CRYM: variants seen among roughly 807,000 people sequenced by gnomAD.
The protein encoded by CRYM is ketimine reductase mu-crystallin.
In CRYM, 18 loss-of-function variants were observed where a neutral mutation model predicts 32.9. The ratio of observed to expected loss-of-function variants is 0.55; its 90% CI spans 0.38 to 0.81. The LOEUF is 0.81. Among genes scored for constraint, CRYM ranks in the 30% least tolerant of loss-of-function variants. The pLI is 0.00. For synonymous variants in CRYM, 153 were observed against 152.4 expected, an observed-to-expected ratio of 1.00 and a Z score of -0.03; for missense variants, 337 against 393.5, an observed-to-expected ratio of 0.86 and a Z score of 1.21.
chr16:21,293,028 A>ATAGAT (rs1555465436), intron 1 of CRYM, among the ~76,000 whole-genome samples: 3 of 150,480 alleles, frequency 2.0e-5, no homozygotes, highest in East Asian at 2.0e-4. Flanking sequence ...AAGTAGATAG[A>ATAGAT]AGATAGATAG....
upstream of CRYM, chr16:21,278,398 C>T: frequency 1.0e-6 from 1 of 960,832 alleles, no homozygotes; most frequent in East Asian, 2.6e-5. Flanking sequence ...CGCCCCGCCC[C>T]GCCAGCCCTC....
chr16:21,300,544 A>G (rs950980368), intron 1 of CRYM: 1 of 151,866 alleles, frequency 6.6e-6, no homozygotes, highest in Non-Finnish European at 1.5e-5. Context: ...AAAGAAAAAA[A>G]AAAGAAATGC....
At chr16:21,258,912 A>G (rs2152860863) in intron 7 of CRYM, 67 bp from the exon 8 acceptor site, 2 of 1,373,480 alleles carry the variant, frequency 1.5e-6, no homozygotes, top group Non-Finnish European at 2.1e-6. Flanking sequence ...CCCAGGCCCC[A>G]TGGCTGGAAG....
intron 1 of CRYM, among the ~76,000 whole-genome samples, chr16:21,298,830 C>T (rs1297056392): frequency 6.6e-6 from 1 of 152,140 alleles, no homozygotes; most frequent in East Asian, 1.9e-4. Context: ...ATCATGAAGG[C>T]AATACATGCT....
At position 21,267,729 on chromosome 16, in the gene CRYM, T is replaced by C; in HGVS notation, c.498A>G (p.Ile166Met). 6.2e-7 allele frequency: 1 copy of C among 1,614,232 alleles called. No individual in the cohort carries two copies. Among genetic ancestry groups the C allele is most frequent in the South Asian group, 1.1e-5 (1 of 91,090 alleles). ...TEQFSFKEVR[I>M]WNRTKENAEK... ...CTGCATTTTCTTTGGTGCGGTTCCA[T>C]ATCCTCACCTTCATTGGGAGTAACA... Residue 166 changes from isoleucine (I) to methionine (M), a missense_variant, in exon 5 of 8, where the codon ATA becomes ATG. By Grantham distance (10) the Ile-to-Met change is conservative. Transcript: ENST00000572914.
chr16:21,261,121 G>A (rs1281050442), intron 7 of CRYM, 133 bp downstream of exon 7: 1 of 773,556 alleles, frequency 1.3e-6, no homozygotes, highest in South Asian at 1.5e-5. Context: ...GCTAAACCAT[G>A]TAAATAATTG....
intron 7 of CRYM, among the ~76,000 whole-genome samples, chr16:21,259,297 AG>A (rs572469931): frequency 1.3e-5 from 2 of 151,004 alleles, no homozygotes; most frequent in South Asian, 4.2e-4. Flanking sequence ...TAGTAGAGAC[AG>A]GGTTTCACCA....
chr16:21,278,331 G>A, upstream of CRYM: 3 of 1,507,858 alleles, frequency 2.0e-6, no homozygotes, highest in African/African-American at 1.4e-5. Context: ...GAGCGCGCCC[G>A]CTGCTCTGTG....
At position 21,277,732 on chromosome 16, in the gene CRYM, C is replaced by G; in HGVS notation, c.171-148G>C. ...CGCATCCCTCTGCCCTTCCCTTAGA[C>G]ACTATGCACAGTATGTTCAGAAGTC... On this transcript the variant is annotated intron_variant, in intron 1 of 7. Coordinates refer to ENST00000572914, the MANE Select transcript of CRYM (RefSeq NM_001376256.1). This position sits in a 1 kb window ranked among gnomAD's most constrained non-coding sequence, Gnocchi z 4.2. 5.6e-6 allele frequency: 5 copies of G among 899,560 alleles called. No homozygotes were observed. The highest frequency in any genetic ancestry group is 8.6e-6 in the Non-Finnish European group (5 of 580,908). 55.7% of individuals were successfully genotyped at this position (899,560 alleles called of 1,614,324 possible).
At chr16:21,260,953 T>C (rs2093353216) in intron 7 of CRYM, 2 of 466,722 alleles carry the variant, frequency 4.3e-6, no homozygotes, top group South Asian at 2.1e-5. Flanking sequence ...ATTCATTTTA[T>C]ATGCAAATCC....
chr16:21,275,026 T>C (rs1367551271), intron 3 of CRYM, among the ~76,000 whole-genome samples: 3 of 152,246 alleles, frequency 2.0e-5, no homozygotes, highest in Non-Finnish European at 2.9e-5. Flanking sequence ...CAGTCAATAC[T>C]TGTCGAATGA....
At chr16:21,299,943 T>C (rs920374664) in intron 1 of CRYM, 1 of 152,190 alleles carries the variant, frequency 6.6e-6, no homozygotes, top group Non-Finnish European at 1.5e-5. Context: ...CAAGGGATCC[T>C]TAACTGCTAC....
intron 1 of CRYM, among the ~76,000 whole-genome samples, chr16:21,294,347 A>T (rs58630279): frequency 0.079 from 11,988 of 152,130 alleles, 1,093 homozygotes; most frequent in East Asian, 0.45. Context: ...TTATTTTTTT[A>T]AATTTACTTT....
At chr16:21,268,822 A>G (rs2093369142) in intron 4 of CRYM, 1 of 152,038 alleles carries the variant, frequency 6.6e-6, no homozygotes, top group Admixed American at 6.6e-5. Flanking sequence ...ATGAAAGGGC[A>G]TTTTTCTTTT....
At chr16:21,291,916 G>A (rs1293266774) in intron 1 of CRYM, among the ~76,000 whole-genome samples, 1 of 151,850 alleles carries the variant, frequency 6.6e-6, no homozygotes, top group Admixed American at 6.6e-5. Flanking sequence ...TTTAATTGTG[G>A]TGAAGTTAAA....
intron 5 of CRYM, among the ~76,000 whole-genome samples, chr16:21,262,951 CAG>C (rs1475161460): frequency 3.9e-5 from 6 of 152,234 alleles, no homozygotes; most frequent in Admixed American, 1.3e-4. Flanking sequence ...AATCCCGAAA[CAG>C]AGACATCACT....
intron 5 of CRYM, among the ~76,000 whole-genome samples, chr16:21,262,753 G>T (rs903024517): frequency 6.6e-6 from 1 of 152,100 alleles, no homozygotes; most frequent in Non-Finnish European, 1.5e-5. Context: ...GGGATGTTTT[G>T]CACGTACTAT....
chr16:21,270,310 G>GT (rs1335439957), intron 3 of CRYM, among the ~76,000 whole-genome samples: 1 of 151,520 alleles, frequency 6.6e-6, no homozygotes, highest in Non-Finnish European at 1.5e-5. Flanking sequence ...TTGAGATGGA[G>GT]TCTCGCTCTG....
At chr16:21,286,813 G>A (rs565398341) in intron 1 of CRYM, among the ~76,000 whole-genome samples, 54 of 152,094 alleles carry the variant, frequency 3.6e-4, no homozygotes, top group African/African-American at 1.2e-3. Context: ...ATTTTAGGCC[G>A]GGCGCAGTGG....
Sources: allele counts gnomAD v4.1 joint callset (sites outside exome capture counted in the v4.1 genomes callset), GRCh38; gene constraint gnomAD v4.1.1; non-coding constraint Gnocchi (gnomAD v3.1); transcripts MANE v1.5; gene names NCBI Gene and HGNC (gene_info 2026-07-23, HGNC 2026-07-21).